Variants in N4BP1 observed in about 807,000 individuals in gnomAD.
The protein encoded by N4BP1 is NEDD4 binding protein 1.
A neutral mutation model predicts 70.9 loss-of-function variants in N4BP1; 21 were observed. That is an observed-to-expected ratio of 0.30 (90% CI 0.21 to 0.43). N4BP1 has a LOEUF of 0.43. Ranked by LOEUF, N4BP1 falls within the 20% of genes least tolerant of loss-of-function variation. N4BP1 has a pLI of 1.00. For missense variants in N4BP1, 936 were observed against 1,069.4 expected (o/e 0.88, Z 1.74); for synonymous variants, 387 against 394.6 (o/e 0.98, Z 0.23).
chr16:48,553,565 C>T lies in N4BP1; in HGVS notation c.1994G>A (p.Arg665Lys), dbSNP rs1963706210. The T allele has an allele frequency of 6.3e-7, 1 of 1,589,926 alleles. No homozygotes were observed. Among genetic ancestry groups the T allele is most frequent in the Non-Finnish European group, 8.5e-7 (1 of 1,170,182 alleles). The stretch of plus-strand genomic sequence containing the variant: ...TGTGACATTAGGATCACGCCTTGTT[C>T]TCCACTGAGGGACAAATACAGTGAT... ...RNITVFVPQW[R>K]TRRDPNVTEQ... Residue 665 changes from arginine (R) to lysine (K), a missense_variant, in exon 3 of 7, where the codon AGA (arginine) becomes AAA (lysine). Transcript: ENST00000262384.
At chr16:48,565,186 A>C (rs1040570768) in intron 1 of N4BP1, among the ~76,000 whole-genome samples, 1 of 152,206 alleles carries the variant, frequency 6.6e-6, no homozygotes, top group Non-Finnish European at 1.5e-5. Context: ...CTAGAAGTAC[A>C]GCACTATGTT....
intron 1 of N4BP1, among the ~76,000 whole-genome samples, chr16:48,594,963 A>G (rs1964389311): frequency 6.6e-6 from 1 of 152,144 alleles, no homozygotes; most frequent in Non-Finnish European, 1.5e-5. Context: ...AATTAGCTAT[A>G]AAACTTTGAC....
chr16:48,584,954 TAG>T (rs1964222563), intron 1 of N4BP1, among the ~76,000 whole-genome samples: 2 of 152,154 alleles, frequency 1.3e-5, no homozygotes, highest in South Asian at 4.1e-4. Flanking sequence ...TTCTTTGAGA[TAG>T]AGTCTCGCTT....
intron 2 of N4BP1, among the ~76,000 whole-genome samples, chr16:48,554,170 A>G (rs1769839919): frequency 1.6e-5 from 2 of 125,256 alleles, no homozygotes; most frequent in African/African-American, 7.1e-5. Context: ...CAGGGAAAAA[A>G]GGTAAAAAAA....
At chr16:48,568,418 C>A (rs188084048) in intron 1 of N4BP1, among the ~76,000 whole-genome samples, 29 of 152,286 alleles carry the variant, frequency 1.9e-4, no homozygotes, top group African/African-American at 7.0e-4. Flanking sequence ...GTATGAAACT[C>A]ATTTTAAAGA....
Position 48,541,885 on chromosome 16 carries a change from CT to C in N4BP1, c.*1018del, listed in dbSNP as rs1317887803. The C allele has an allele frequency of 6.5e-6, 1 of 152,676 alleles. No homozygotes were observed. The highest frequency in any genetic ancestry group is 2.4e-5 in the African/African-American group (1 of 41,458). 9.5% of individuals were successfully genotyped at this position (152,676 alleles called of 1,614,324 possible). A position where few individuals can be genotyped will look rare whatever the true frequency, so the allele number is the denominator to read the frequency against. The stretch of plus-strand genomic sequence containing the variant: ...CTCTGGGATCCCCCCACAGAAGCTA[CT>C]AATGCTATTTATTGGCTTGGGTCAC... On this transcript the variant is annotated 3_prime_UTR_variant, in exon 7 of 7. Coordinates refer to ENST00000262384, the MANE Select transcript of N4BP1 (RefSeq NM_153029.4).
Position 48,561,040 on chromosome 16 carries a change from G to T in N4BP1, c.1603C>A (p.Pro535Thr). Reference sequence around the variant, plus strand: ...TCACAGGCAGATTTCATATTATTTGGAAGCAAGGGTTCTGGCTGCTGGTGT... The same window carrying T: ...TCACAGGCAGATTTCATATTATTTGTAAGCAAGGGTTCTGGCTGCTGGTGT... ...GLHQQPEPLL[P>T]NNMKSACEKR... Residue 535 changes from proline to threonine, a missense_variant, in exon 2 of 7, where the codon CCA becomes ACA. This residue lies in a region of N4BP1 where 515 missense variants were observed against 491.7 expected (regional missense o/e 1.05). Transcript: ENST00000262384. 1 of 1,613,988 alleles carries T rather than the reference G, an allele frequency of 6.2e-7. No homozygotes were observed. The highest frequency in any genetic ancestry group is 8.5e-7 in the Non-Finnish European group (1 of 1,179,882).
intron 1 of N4BP1, among the ~76,000 whole-genome samples, chr16:48,590,753 G>A (rs767455736): frequency 5.3e-5 from 8 of 152,174 alleles, no homozygotes; most frequent in Admixed American, 2.0e-4. Flanking sequence ...TATCCTAGGC[G>A]CTGCCACAGC....
At chr16:48,578,897 A>T (rs1455400544) in intron 1 of N4BP1, among the ~76,000 whole-genome samples, 1 of 152,200 alleles carries the variant, frequency 6.6e-6, no homozygotes, top group African/African-American at 2.4e-5. Flanking sequence ...CATTTATCAC[A>T]GCTCTATTAG....
intron 1 of N4BP1, among the ~76,000 whole-genome samples, chr16:48,593,798 T>G (rs557245512): frequency 6.6e-6 from 1 of 152,066 alleles, no homozygotes; most frequent in East Asian, 1.9e-4. Flanking sequence ...TCACCTGAGG[T>G]TAGGAGTTTG....
rs1165541077 is a variant in N4BP1, at chr16:48,540,435, G to C, written c.*2469C>G. On this transcript the variant is annotated 3_prime_UTR_variant, in exon 7 of 7. Coordinates refer to ENST00000262384, the MANE Select transcript of N4BP1 (RefSeq NM_153029.4). ...CCGGCCAGACAGCCGAGCCTGCCTA[G>C]CAACGCTGACCGGCCGCCCAGGATG... 2 of 152,534 alleles carry C rather than the reference G, an allele frequency of 1.3e-5. No individual in the cohort carries two copies. Among genetic ancestry groups the C allele is most frequent in the African/African-American group, 4.8e-5 (2 of 41,480 alleles). 9.4% of individuals were successfully genotyped at this position (152,534 alleles called of 1,614,324 possible). A position where few individuals can be genotyped will look rare whatever the true frequency, so the allele number is the denominator to read the frequency against.
intron 2 of N4BP1, chr16:48,560,433 G>A (rs1043183720): frequency 3.3e-5 from 7 of 212,836 alleles, no homozygotes; most frequent in Non-Finnish European, 4.7e-5. Context: ...GAACATAATG[G>A]TACTCACAAT....
rs111501697 is a variant in N4BP1 at position 48,567,721 on chromosome 16, T to C, written c.199-5277A>G. ...CCTACTTATCATCAATATTCTATCA[T>C]TTCATAAAACTATACCACTTATATT... On this transcript the variant is annotated intron_variant, in intron 1 of 6. Transcript: ENST00000262384. Among the ~76,000 whole-genome samples the C allele has an allele frequency of 2.4e-3, 358 of 152,302 alleles. 2 individuals carry two copies. The highest frequency in any genetic ancestry group is 8.3e-3 in the African/African-American group (345 of 41,542).
At chr16:48,547,215 A>G (rs566499497) in intron 5 of N4BP1, among the ~76,000 whole-genome samples, 6 of 152,346 alleles carry the variant, frequency 3.9e-5, no homozygotes, top group Admixed American at 6.5e-5. Context: ...GTTTTACTAT[A>G]TATTAGTTAT....
chr16:48,596,734 A>AT (rs1432036080), intron 1 of N4BP1, among the ~76,000 whole-genome samples: 2 of 152,210 alleles, frequency 1.3e-5, no homozygotes, highest in African/African-American at 2.4e-5. Flanking sequence ...AACAAAACTG[A>AT]TAATAGCCCT....
At chr16:48,581,881 C>T (rs1380997321) in intron 1 of N4BP1, among the ~76,000 whole-genome samples, 2 of 151,948 alleles carry the variant, frequency 1.3e-5, no homozygotes, top group Non-Finnish European at 2.9e-5. Context: ...AAAAGCTTCA[C>T]GACATTGGTC....
At chr16:48,595,395 T>C (rs1428238979) in intron 1 of N4BP1, among the ~76,000 whole-genome samples, 1 of 134,228 alleles carries the variant, frequency 7.5e-6, no homozygotes, top group Non-Finnish European at 1.5e-5. Flanking sequence ...GGGCAGAGGT[T>C]GTAGTGAGCC....
At chr16:48,598,068 G>A (rs1056503255) in intron 1 of N4BP1, among the ~76,000 whole-genome samples, 1 of 152,146 alleles carries the variant, frequency 6.6e-6, no homozygotes, top group Admixed American at 6.6e-5. Context: ...ATGCCAAGTG[G>A]AACATCCCAG....
At chr16:48,560,648 G>A (rs577973090) in intron 2 of N4BP1, 106 bp downstream of exon 2, 2 of 1,410,582 alleles carry the variant, frequency 1.4e-6, no homozygotes, top group South Asian at 3.0e-5. Flanking sequence ...TAAGGCTACA[G>A]ATCAACTATA....
Sources: allele counts gnomAD v4.1 joint callset (sites outside exome capture counted in the v4.1 genomes callset), GRCh38; gene constraint gnomAD v4.1.1; regional missense constraint gnomAD v4.1.1; transcripts MANE v1.5; gene names NCBI Gene and HGNC (gene_info 2026-07-23, HGNC 2026-07-21).